Variants in HPSE2 observed in about 807,000 individuals in gnomAD.
The protein encoded by HPSE2 is inactive heparanase-2.
In HPSE2, 38 loss-of-function variants were observed where a neutral mutation model predicts 60.5. That is an observed-to-expected ratio of 0.63 (90% CI 0.48 to 0.82). The LOEUF (loss-of-function observed/expected upper bound fraction) is 0.82, where lower values mean the gene tolerates loss of function less well. HPSE2 is among the 40% of genes least tolerant of loss of function. HPSE2 has a pLI of 0.00. For missense variants in HPSE2, 713 were observed against 740.4 expected (o/e 0.96, Z 0.43); for synonymous variants, 295 against 293.2 (o/e 1.01, Z -0.06).
intron 2 of HPSE2, among the ~76,000 whole-genome samples, chr10:99,152,363 C>A (rs575979838): frequency 1.4e-5 from 2 of 145,832 alleles, no homozygotes; most frequent in South Asian, 4.4e-4. Context: ...AGACCTGCAA[C>A]ACAAGAAATA....
At chr10:99,140,038 C>T (rs561451870) in intron 3 of HPSE2, among the ~76,000 whole-genome samples, 1 of 152,148 alleles carries the variant, frequency 6.6e-6, no homozygotes, top group African/African-American at 2.4e-5. Flanking sequence ...TACATAATCA[C>T]TTTTCAAGGT....
At chr10:98,501,179 C>T (rs1015480900) in intron 9 of HPSE2, among the ~76,000 whole-genome samples, 3 of 152,074 alleles carry the variant, frequency 2.0e-5, no homozygotes, top group Non-Finnish European at 4.4e-5. Context: ...AAGGAACCCT[C>T]CCTAATTCAT....
At chr10:98,537,218 G>T (rs938832879) in intron 9 of HPSE2, among the ~76,000 whole-genome samples, 14 of 152,186 alleles carry the variant, frequency 9.2e-5, no homozygotes, top group African/African-American at 2.9e-4. Flanking sequence ...GAATGGAGAG[G>T]TAGGGGAATG....
At chr10:98,657,504 T>G (rs536224464) in intron 6 of HPSE2, among the ~76,000 whole-genome samples, 2 of 152,090 alleles carry the variant, frequency 1.3e-5, no homozygotes, top group Admixed American at 6.6e-5. Context: ...GCCCAGATAA[T>G]TTTTGTATTT....
intron 9 of HPSE2, among the ~76,000 whole-genome samples, chr10:98,501,551 C>G (rs765910732): frequency 1.3e-5 from 2 of 152,172 alleles, no homozygotes; most frequent in Non-Finnish European, 2.9e-5. Flanking sequence ...GGACATACCT[C>G]AATGTAATAA....
chr10:99,015,744 A>G (rs1287624885), intron 3 of HPSE2, among the ~76,000 whole-genome samples: 1 of 152,168 alleles, frequency 6.6e-6, no homozygotes, highest in Non-Finnish European at 1.5e-5. Flanking sequence ...GGTGCAGCAC[A>G]CCAACATGGC....
chr10:98,820,496 C>T (rs1951399865), intron 3 of HPSE2, among the ~76,000 whole-genome samples: 1 of 152,128 alleles, frequency 6.6e-6, no homozygotes, highest in Non-Finnish European at 1.5e-5. Context: ...CCTAATTTTC[C>T]TTTGATAGCA....
chr10:98,953,849 GC>G (rs1955436746), intron 3 of HPSE2, among the ~76,000 whole-genome samples: 1 of 152,118 alleles, frequency 6.6e-6, no homozygotes, highest in Admixed American at 6.5e-5. Flanking sequence ...CTAAGCCTCA[GC>G]TTCTTCATCT....
chr10:98,809,205 G>A (rs953862983), intron 3 of HPSE2, among the ~76,000 whole-genome samples: 2 of 152,050 alleles, frequency 1.3e-5, no homozygotes, highest in Non-Finnish European at 2.9e-5. Flanking sequence ...ACATAACAAT[G>A]TCTATTCATA....
At chr10:99,140,908 T>G (rs1011658142) in intron 3 of HPSE2, among the ~76,000 whole-genome samples, 1 of 152,036 alleles carries the variant, frequency 6.6e-6, no homozygotes, top group African/African-American at 2.4e-5. Flanking sequence ...GTGGTGGCAT[T>G]TGCCTGTGGT....
chr10:98,925,984 T>C (rs73332084), intron 3 of HPSE2, among the ~76,000 whole-genome samples: 4,030 of 152,222 alleles, frequency 0.026, 130 homozygotes, highest in East Asian at 0.15. Context: ...TACATGTTTT[T>C]TATATATAAT....
At chr10:99,203,337 C>CGCAGGCTCCTACAACT (rs1450313484) in intron 2 of HPSE2, among the ~76,000 whole-genome samples, 8 of 152,092 alleles carry the variant, frequency 5.3e-5, no homozygotes, top group Non-Finnish European at 1.2e-4. Context: ...CCAGTCTGTA[C>CGCAGGCTCCTACAACT]GCAGGCTCCT....
chr10:99,195,255 GC>G (rs1239592397), intron 2 of HPSE2, among the ~76,000 whole-genome samples: 1 of 151,910 alleles, frequency 6.6e-6, no homozygotes, highest in Non-Finnish European at 1.5e-5. Flanking sequence ...ATACAATAGA[GC>G]CACTGCTAGT....
At chr10:98,778,035 G>A (rs1161724766) in intron 3 of HPSE2, among the ~76,000 whole-genome samples, 4 of 152,058 alleles carry the variant, frequency 2.6e-5, no homozygotes, top group Non-Finnish European at 5.9e-5. Context: ...GTTTGGCCTT[G>A]AGGTTTCTCT....
the HPSE2 span, among the ~76,000 whole-genome samples, chr10:99,269,223 T>G: frequency 1.3e-5 from 2 of 150,618 alleles, no homozygotes; most frequent in African/African-American, 2.4e-5. Context: ...TAACAACACA[T>G]AGACCCATAT....
At chr10:98,954,898 A>C (rs1266820448) in intron 3 of HPSE2, among the ~76,000 whole-genome samples, 2 of 151,044 alleles carry the variant, frequency 1.3e-5, no homozygotes, top group Non-Finnish European at 3.0e-5. Flanking sequence ...GATGTCTCCC[A>C]AAAAAACACT....
intron 11 of HPSE2, 64 bp downstream of exon 11, chr10:98,482,572 C>T: frequency 1.9e-6 from 3 of 1,603,732 alleles, no homozygotes; most frequent in Non-Finnish European, 2.6e-6. Context: ...TTGGTGTCTT[C>T]AGCCTCCCCC....
intron 3 of HPSE2, among the ~76,000 whole-genome samples, chr10:99,016,816 T>C (rs1222691260): frequency 6.6e-6 from 1 of 152,184 alleles, no homozygotes; most frequent in East Asian, 1.9e-4. Context: ...AGTTCATTCC[T>C]GACTTGGCTC....
chr10:98,622,278 T>G (rs563737632), intron 7 of HPSE2, among the ~76,000 whole-genome samples: 2 of 152,264 alleles, frequency 1.3e-5, no homozygotes, highest in South Asian at 4.2e-4. Context: ...CATTCACACC[T>G]AATAACACTA....
Sources: gnomAD v4.1 joint callset for allele counts (sites outside exome capture counted in the v4.1 genomes callset) on GRCh38, gnomAD v4.1.1 for gene constraint, MANE v1.5 for transcripts, NCBI Gene and HGNC (gene_info 2026-07-23, HGNC 2026-07-21) for gene names.